Variants in GALNT18 observed in about 807,000 individuals in gnomAD.
GALNT18 encodes polypeptide N-acetylgalactosaminyltransferase 18.
A neutral mutation model predicts 69.5 loss-of-function variants in GALNT18; 44 were observed. The ratio of observed to expected loss-of-function variants is 0.63; its 90% CI spans 0.50 to 0.81. The LOEUF (loss-of-function observed/expected upper bound fraction) is 0.81. GALNT18 is among the 40% of genes least tolerant of loss of function. GALNT18 has a pLI of 0.00. For missense variants in GALNT18, 715 were observed against 810.0 expected, an observed-to-expected ratio of 0.88 and a Z score of 1.42; for synonymous variants, 364 against 318.2, an observed-to-expected ratio of 1.14 and a Z score of -1.53.
rs1234105506 is a variant in GALNT18, at chr11:11,598,783, G to T, written c.235+22576C>A. Among the ~76,000 whole-genome samples, 5 of 151,876 alleles carry T rather than the reference G, an allele frequency of 3.3e-5. No individual in the cohort carries two copies. Among genetic ancestry groups the T allele is most frequent in the Non-Finnish European group, 5.9e-5 (4 of 67,942 alleles). On this transcript the variant is annotated intron_variant, in intron 1 of 10. Coordinates refer to ENST00000227756, the MANE Select transcript of GALNT18 (RefSeq NM_198516.3). The surrounding 1 kb of genome is among the most constrained non-coding windows in gnomAD (Gnocchi z 4.8). ...TTTATCTGCATAAGTTTTGTATGTT[G>T]TGTTTTCATTTTCATTCACCTCAAA...
chr11:11,451,390 A>G (rs1158381768), intron 1 of GALNT18, among the ~76,000 whole-genome samples: 2 of 152,224 alleles, frequency 1.3e-5, no homozygotes, highest in Non-Finnish European at 2.9e-5. Flanking sequence ...CAGTTAATGG[A>G]AAATTATGAT....
At chr11:11,282,958 G>T (rs1590004257) in intron 10 of GALNT18, among the ~76,000 whole-genome samples, 1 of 152,170 alleles carries the variant, frequency 6.6e-6, no homozygotes, top group African/African-American at 2.4e-5. Flanking sequence ...AGAGCTGGAG[G>T]CAGACGGCAA....
intron 1 of GALNT18, among the ~76,000 whole-genome samples, chr11:11,529,819 T>C (rs895772716): frequency 2.1e-4 from 32 of 152,266 alleles, no homozygotes; most frequent in African/African-American, 6.7e-4. Context: ...ACCACATATG[T>C]ATGAGTGTGT....
rs572006859 is a variant in GALNT18, at chr11:11,511,970, T to A, written c.236-63034A>T. Among the ~76,000 whole-genome samples, 1 of 152,324 alleles carries A rather than the reference T, an allele frequency of 6.6e-6. No homozygotes were observed. The highest frequency in any genetic ancestry group is 2.1e-4 in the South Asian group (1 of 4,820). On this transcript the variant is annotated intron_variant, in intron 1 of 10. Coordinates refer to ENST00000227756, the MANE Select transcript of GALNT18 (RefSeq NM_198516.3). This position sits in a 1 kb window ranked among gnomAD's most constrained non-coding sequence, Gnocchi z 4.9. ...TGATCAACACATATACATATGTATA[T>A]GTATGCATACCATCATATGTATACA...
At chr11:11,378,850 G>T (rs554914969) in intron 4 of GALNT18, among the ~76,000 whole-genome samples, 1 of 152,128 alleles carries the variant, frequency 6.6e-6, no homozygotes, top group Non-Finnish European at 1.5e-5. Context: ...TGCATATTAG[G>T]CACCGTGTGC....
At position 11,586,371 on chromosome 11, in the gene GALNT18, C is replaced by T. The variant is rs1173847967; in HGVS notation, c.235+34988G>A. Among the ~76,000 whole-genome samples, 1 of 152,102 alleles carries T rather than the reference C, an allele frequency of 6.6e-6. No homozygotes were observed. Among genetic ancestry groups the T allele is most frequent in the African/African-American group, 2.4e-5 (1 of 41,410 alleles). ...TATTAACTGATACAACCTATAGCAA[C>T]AAAACTCCCTTGGGGTTTTCAATAA... On this transcript the variant is annotated intron_variant, in intron 1 of 10. Transcript: ENST00000227756. This position sits in a 1 kb window ranked among gnomAD's most constrained non-coding sequence, Gnocchi z 4.1.
chr11:11,346,766 C>G (rs538695756), intron 6 of GALNT18, among the ~76,000 whole-genome samples: 1 of 152,126 alleles, frequency 6.6e-6, no homozygotes, highest in Admixed American at 6.5e-5. Flanking sequence ...CACTCACCAC[C>G]GGCCCTTCCC....
At chr11:11,455,341 C>T (rs1014931819) in intron 1 of GALNT18, among the ~76,000 whole-genome samples, 2 of 151,906 alleles carry the variant, frequency 1.3e-5, no homozygotes, top group Non-Finnish European at 2.9e-5. Context: ...ATATAAGATG[C>T]CATTGGGTCC....
chr11:11,358,426 A>G (rs1457902799), intron 6 of GALNT18, among the ~76,000 whole-genome samples: 2 of 140,558 alleles, frequency 1.4e-5, no homozygotes, highest in African/African-American at 5.3e-5. Flanking sequence ...ACCTTCCATC[A>G]TCTGAGTTTG....
At position 11,586,233 on chromosome 11, in the gene GALNT18, T is replaced by C. The variant is rs1203988211; in HGVS notation, c.235+35126A>G. On this transcript the variant is annotated intron_variant, in intron 1 of 10. Coordinates refer to ENST00000227756, the MANE Select transcript of GALNT18 (RefSeq NM_198516.3). This position sits in a 1 kb window ranked among gnomAD's most constrained non-coding sequence, Gnocchi z 4.1. Reference sequence around the variant, plus strand: ...TTGTACCAAGAGTCTGTAGTTCTTTTTCACAAAAAGTGTGCTACTTATGTT... The same window carrying C: ...TTGTACCAAGAGTCTGTAGTTCTTTCTCACAAAAAGTGTGCTACTTATGTT... Among the ~76,000 whole-genome samples, 1 of 152,220 alleles carries C rather than the reference T, an allele frequency of 6.6e-6. No homozygotes were observed.
At chr11:11,515,014 G>T (rs927920736) in intron 1 of GALNT18, among the ~76,000 whole-genome samples, 2 of 152,220 alleles carry the variant, frequency 1.3e-5, no homozygotes, top group Admixed American at 6.5e-5. Flanking sequence ...CACTACGCTT[G>T]TGTGGTCCAA....
rs944955922 is a variant in GALNT18, at chr11:11,523,425, A to G, written c.236-74489T>C. Among the ~76,000 whole-genome samples the G allele has an allele frequency of 3.3e-5, 5 of 152,150 alleles. No individual in the cohort carries two copies. Among genetic ancestry groups the G allele is most frequent in the Admixed American group, 3.3e-4 (5 of 15,278 alleles). On this transcript the variant is annotated intron_variant, in intron 1 of 10. Coordinates refer to ENST00000227756, the MANE Select transcript of GALNT18 (RefSeq NM_198516.3). The surrounding 1 kb of genome is among the most constrained non-coding windows in gnomAD (Gnocchi z 4.3). ...CTACCTCTAGAGGTCTTCAAACTCA[A>G]GAAGTCTGGTTTCAAAGCTAATGCT...
Position 11,497,102 on chromosome 11 carries a change from C to T in GALNT18, c.236-48166G>A, listed in dbSNP as rs1383320709. On this transcript the variant is annotated intron_variant, in intron 1 of 10. Transcript: ENST00000227756. The surrounding 1 kb of genome is among the most constrained non-coding windows in gnomAD (Gnocchi z 4.2). Reference sequence around the variant, plus strand: ...CTCAGGGCCTTTGCACCTGCTGTTTCTTCAGTATGGGATGCTGTGACCCAG... The same window carrying T: ...CTCAGGGCCTTTGCACCTGCTGTTTTTTCAGTATGGGATGCTGTGACCCAG... 6.6e-6 allele frequency among the ~76,000 whole-genome samples: 1 copy of T among 152,082 alleles called. No homozygotes were observed. Among genetic ancestry groups the T allele is most frequent in the Non-Finnish European group, 1.5e-5 (1 of 68,008 alleles).
chr11:11,474,237 G>T (rs1043934342), intron 1 of GALNT18, among the ~76,000 whole-genome samples: 4 of 152,226 alleles, frequency 2.6e-5, no homozygotes, highest in African/African-American at 9.6e-5. Context: ...CCCATTTGAA[G>T]TGGTATCCAA....
intron 1 of GALNT18, among the ~76,000 whole-genome samples, chr11:11,482,480 G>C (rs1856553205): frequency 6.6e-6 from 1 of 152,224 alleles, no homozygotes; most frequent in Non-Finnish European, 1.5e-5. Flanking sequence ...CAGAGAGAAT[G>C]AGGGGTGGCA....
chr11:11,394,838 T>C (rs749522002), intron 3 of GALNT18, among the ~76,000 whole-genome samples: 3 of 152,180 alleles, frequency 2.0e-5, no homozygotes, highest in Non-Finnish European at 4.4e-5. Flanking sequence ...GGCACCGTAA[T>C]GGGTTCCTCA....
At position 11,332,228 on chromosome 11, in the gene GALNT18, A is replaced by G. The variant is rs1328254927; in HGVS notation, c.1416+466T>C. Among the ~76,000 whole-genome samples the G allele has an allele frequency of 6.6e-6, 1 of 152,146 alleles. No individual in the cohort carries two copies. The highest frequency in any genetic ancestry group is 1.5e-5 in the Non-Finnish European group (1 of 68,030). On this transcript the variant is annotated intron_variant, in intron 8 of 10. Coordinates refer to ENST00000227756, the MANE Select transcript of GALNT18 (RefSeq NM_198516.3). This position sits in a 1 kb window ranked among gnomAD's most constrained non-coding sequence, Gnocchi z 4.3. ...CATCAACAAGCAGTACTAAAAATAC[A>G]GCAAATAAAATAAATTCAAGATGGC...
chr11:11,478,661 A>G (rs964760092), intron 1 of GALNT18, among the ~76,000 whole-genome samples: 2 of 152,236 alleles, frequency 1.3e-5, no homozygotes, highest in African/African-American at 4.8e-5. Flanking sequence ...AATTTTCTTT[A>G]TAAAAGGGCA....
chr11:11,530,249 A>G (rs1033158004), intron 1 of GALNT18, among the ~76,000 whole-genome samples: 25 of 152,186 alleles, frequency 1.6e-4, no homozygotes, highest in Non-Finnish European at 4.4e-5. Flanking sequence ...CATCTTTAGC[A>G]TGCACTTAAT....
Sources: gnomAD v4.1 joint callset for allele counts (sites outside exome capture counted in the v4.1 genomes callset) on GRCh38, gnomAD v4.1.1 for gene constraint, Gnocchi (gnomAD v3.1) non-coding constraint, MANE v1.5 for transcripts, NCBI Gene and HGNC (gene_info 2026-07-23, HGNC 2026-07-21) for gene names.